Variants in GAP43 observed in about 807,000 individuals in gnomAD.
GAP43 encodes the protein neuromodulin.
In GAP43, 6 loss-of-function variants were observed where a neutral mutation model predicts 18.6. The observed-to-expected ratio is 0.32, with a 90% CI of 0.18 to 0.64. The LOEUF is 0.64. GAP43 is among the 30% of genes least tolerant of loss of function. The probability of loss-of-function intolerance (pLI) is 0.78; values close to 1 mark genes in which losing one functional copy is unlikely to be tolerated. For synonymous variants in GAP43, 115 were observed against 111.4 expected (o/e 1.03, Z -0.20); for missense variants, 292 against 295.5 (o/e 0.99, Z 0.09).
chr3:115,650,313 A>C (rs1576982216), intron 1 of GAP43, among the ~76,000 whole-genome samples: 1 of 152,216 alleles, frequency 6.6e-6, no homozygotes, highest in Non-Finnish European at 1.5e-5. Flanking sequence ...GGTTAGGTCC[A>C]AAATATCAGC....
At chr3:115,626,448 T>C (rs890326821) in intron 1 of GAP43, among the ~76,000 whole-genome samples, 7 of 152,126 alleles carry the variant, frequency 4.6e-5, no homozygotes, top group African/African-American at 1.2e-4. Context: ...GTTATCACTA[T>C]AGATTATTAT....
chr3:115,627,133 C>CTTT (rs5851968), intron 1 of GAP43, among the ~76,000 whole-genome samples: 1 of 122,708 alleles, frequency 8.1e-6, no homozygotes, highest in African/African-American at 3.1e-5. Context: ...TTTTTTCTTT[C>CTTT]TTTTTTTTTT....
chr3:115,664,240 C>A (rs1181787269), intron 1 of GAP43, among the ~76,000 whole-genome samples: 1 of 151,144 alleles, frequency 6.6e-6, no homozygotes, highest in Non-Finnish European at 1.5e-5. Flanking sequence ...TATGTCATTA[C>A]TTTTAAAGGT....
chr3:115,648,441 G>T (rs900139938), intron 1 of GAP43, among the ~76,000 whole-genome samples: 1 of 152,006 alleles, frequency 6.6e-6, no homozygotes. Flanking sequence ...CCCCTAACTT[G>T]CCCTATGATG....
chr3:115,632,667 C>G (rs752971395), intron 1 of GAP43, among the ~76,000 whole-genome samples: 17 of 152,128 alleles, frequency 1.1e-4, no homozygotes, highest in Non-Finnish European at 2.1e-4. Flanking sequence ...TCAAGTTAGT[C>G]TAAGAAATCC....
chr3:115,640,220 A>G (rs1437771901), intron 1 of GAP43, among the ~76,000 whole-genome samples: 2 of 152,114 alleles, frequency 1.3e-5, no homozygotes, highest in African/African-American at 4.8e-5. Context: ...AGTACACTTT[A>G]GCTGAAAAAA....
intron 2 of GAP43, among the ~76,000 whole-genome samples, chr3:115,680,019 G>A (rs1708941383): frequency 6.6e-6 from 1 of 152,108 alleles, no homozygotes; most frequent in Admixed American, 6.6e-5. Context: ...GTGTCTCCCT[G>A]CTTCTCTTCC....
chr3:115,673,707 G>A (rs1408706590), intron 1 of GAP43, among the ~76,000 whole-genome samples: 1 of 152,170 alleles, frequency 6.6e-6, no homozygotes, highest in African/African-American at 2.4e-5. Flanking sequence ...TCTCACATTG[G>A]GCTGTGCTCA....
intron 1 of GAP43, among the ~76,000 whole-genome samples, chr3:115,641,720 T>A (rs534185325): frequency 4.6e-5 from 7 of 152,102 alleles, no homozygotes; most frequent in Non-Finnish European, 1.0e-4. Context: ...TTATACCTGA[T>A]GGTGATAATT....
intron 2 of GAP43, among the ~76,000 whole-genome samples, chr3:115,698,149 TATATATAATATATAAA>T (rs1709235868): frequency 7.5e-5 from 1 of 13,422 alleles, no homozygotes; most frequent in African/African-American, 3.8e-4. Context: ...TAATATATAT[TATATATAATATATAAA>T]ATATATTAAA....
intron 1 of GAP43, among the ~76,000 whole-genome samples, chr3:115,669,095 A>G (rs1406994865): frequency 2.7e-5 from 4 of 148,940 alleles, no homozygotes; most frequent in African/African-American, 7.5e-5. Context: ...CACACACAGA[A>G]AAATAATTTT....
At chr3:115,634,391 C>T (rs1368858658) in intron 1 of GAP43, among the ~76,000 whole-genome samples, 1 of 152,028 alleles carries the variant, frequency 6.6e-6, no homozygotes, top group Non-Finnish European at 1.5e-5. Context: ...AAACTAGTTC[C>T]TATAACAGCT....
intron 1 of GAP43, among the ~76,000 whole-genome samples, chr3:115,670,162 A>C: frequency 1.4e-5 from 1 of 69,056 alleles, no homozygotes; most frequent in African/African-American, 5.7e-5. Flanking sequence ...CGACCCCACC[A>C]CAGTCCCCAG....
chr3:115,699,796 G>A (rs1041001546), intron 2 of GAP43, among the ~76,000 whole-genome samples: 2 of 152,142 alleles, frequency 1.3e-5, no homozygotes, highest in African/African-American at 4.8e-5. Flanking sequence ...AGTGCCACTA[G>A]TCTATTGGGA....
chr3:115,696,590 C>CCCCCCCCCA (rs1228543478), intron 2 of GAP43, among the ~76,000 whole-genome samples: 1 of 129,050 alleles, frequency 7.7e-6, no homozygotes, highest in African/African-American at 3.0e-5. Flanking sequence ...CCCCCCCCCC[C>CCCCCCCCCA]ACAAACAGGT....
chr3:115,715,556 T>C (rs1297957251), intron 2 of GAP43, among the ~76,000 whole-genome samples: 1 of 152,172 alleles, frequency 6.6e-6, no homozygotes, highest in African/African-American at 2.4e-5. Context: ...GTAATTGGAG[T>C]GACCAGCTGG....
At chr3:115,633,389 G>A (rs545881850) in intron 1 of GAP43, among the ~76,000 whole-genome samples, 67 of 152,252 alleles carry the variant, frequency 4.4e-4, no homozygotes, top group African/African-American at 1.5e-3. Context: ...GCCCACACTT[G>A]TAAATCTAGT....
intron 2 of GAP43, among the ~76,000 whole-genome samples, chr3:115,678,202 T>C (rs1175849944): frequency 1.3e-5 from 2 of 152,334 alleles, no homozygotes; most frequent in South Asian, 4.1e-4. Context: ...GCCTCAGGTA[T>C]GATGTCTGGA....
At chr3:115,637,117 A>G (rs6803101) in intron 1 of GAP43, among the ~76,000 whole-genome samples, 37,305 of 151,954 alleles carry the variant, frequency 0.25, 4,922 homozygotes, top group Middle Eastern at 0.34. Flanking sequence ...CCTGACTAAC[A>G]CAGTTCTCCA....
Sources: gnomAD v4.1 joint callset for allele counts (sites outside exome capture counted in the v4.1 genomes callset) on GRCh38, gnomAD v4.1.1 for gene constraint, MANE v1.5 for transcripts, NCBI Gene and HGNC (gene_info 2026-07-23, HGNC 2026-07-21) for gene names.